Variants in NCKAP5 observed in about 807,000 individuals in gnomAD.
NCKAP5 encodes NCK associated protein 5.
A neutral mutation model predicts 167.0 loss-of-function variants in NCKAP5; 92 were observed. That is an observed-to-expected ratio of 0.55 (90% confidence interval 0.47 to 0.66). The LOEUF (loss-of-function observed/expected upper bound fraction) is 0.66, where lower values mean the gene tolerates loss of function less well. Among genes scored for constraint, NCKAP5 ranks in the 30% least tolerant of loss-of-function variants. The probability of loss-of-function intolerance (pLI) is 0.00; values close to 1 mark genes in which losing one functional copy is unlikely to be tolerated. For missense variants in NCKAP5, 2,378 were observed against 2,315.0 expected (o/e 1.03, Z -0.56); for synonymous variants, 891 against 877.4 (o/e 1.02, Z -0.27).
intron 7 of NCKAP5, among the ~76,000 whole-genome samples, chr2:132,980,085 G>A (rs1345616186): frequency 6.6e-6 from 1 of 151,302 alleles, no homozygotes; most frequent in Admixed American, 6.6e-5. Context: ...GACCTCCCAG[G>A]CTCAGGTGAT....
intron 3 of NCKAP5, among the ~76,000 whole-genome samples, chr2:133,472,944 T>C (rs934123279): frequency 6.6e-6 from 1 of 152,232 alleles, no homozygotes; most frequent in Non-Finnish European, 1.5e-5. Context: ...CAGGCCTTTA[T>C]CATCTTGATA....
At chr2:133,072,080 G>GTT (rs2080429079) in intron 6 of NCKAP5, among the ~76,000 whole-genome samples, 7 of 108,656 alleles carry the variant, frequency 6.4e-5, no homozygotes, top group African/African-American at 4.2e-4. Context: ...ATTTATCCAG[G>GTT]CTTTTTTTTT....
At chr2:133,607,535 T>G in the NCKAP5 span, among the ~76,000 whole-genome samples, 212 of 152,244 alleles carry the variant, frequency 1.4e-3, 2 homozygotes, top group Non-Finnish European at 2.4e-4. Context: ...GGATTAAGAT[T>G]TGGAAGTGGT....
intron 3 of NCKAP5, among the ~76,000 whole-genome samples, chr2:133,400,377 T>C (rs903384250): frequency 1.3e-5 from 2 of 152,156 alleles, no homozygotes; most frequent in South Asian, 2.1e-4. Flanking sequence ...GAGGATGTAA[T>C]TGTGTTAAGG....
intron 6 of NCKAP5, among the ~76,000 whole-genome samples, chr2:133,107,314 G>C (rs1259944723): frequency 6.6e-6 from 1 of 152,180 alleles, no homozygotes; most frequent in African/African-American, 2.4e-5. Context: ...TCGAGTCATG[G>C]TCTCTGCACT....
intron 3 of NCKAP5, among the ~76,000 whole-genome samples, chr2:133,414,873 C>T (rs1171637600): frequency 1.3e-5 from 2 of 152,182 alleles, no homozygotes; most frequent in Non-Finnish European, 2.9e-5. Flanking sequence ...GTTAACTTAT[C>T]AGGAGAGTTA....
chr2:132,777,644 C>A (rs944207766), intron 15 of NCKAP5, among the ~76,000 whole-genome samples: 2 of 152,034 alleles, frequency 1.3e-5, no homozygotes, highest in Non-Finnish European at 2.9e-5. Context: ...ACTTTGCAGG[C>A]GGAGGGCAAA....
intron 8 of NCKAP5, among the ~76,000 whole-genome samples, chr2:132,948,209 T>A (rs1697906291): frequency 6.6e-6 from 1 of 152,190 alleles, no homozygotes; most frequent in Admixed American, 6.5e-5. Flanking sequence ...GTACTCTTCC[T>A]GGTGCAGTGG....
At chr2:133,209,365 C>A (rs1468551401) in intron 5 of NCKAP5, among the ~76,000 whole-genome samples, 4 of 148,456 alleles carry the variant, frequency 2.7e-5, no homozygotes, top group African/African-American at 2.5e-5. Context: ...ACAAAGAAAA[C>A]AAATATAAAA....
intron 7 of NCKAP5, among the ~76,000 whole-genome samples, chr2:132,975,488 A>G (rs2076952883): frequency 6.6e-6 from 1 of 152,182 alleles, no homozygotes; most frequent in Non-Finnish European, 1.5e-5. Context: ...TGCTCCATCT[A>G]TCGGCAACAC....
chr2:133,258,739 C>G (rs2088754125), intron 4 of NCKAP5, among the ~76,000 whole-genome samples: 1 of 149,284 alleles, frequency 6.7e-6, no homozygotes, highest in South Asian at 2.1e-4. Context: ...GAGCAAGATC[C>G]TGTCTCAATT....
intron 5 of NCKAP5, among the ~76,000 whole-genome samples, chr2:133,146,264 T>C (rs1021457336): frequency 6.6e-6 from 1 of 151,340 alleles, no homozygotes; most frequent in Non-Finnish European, 1.5e-5. Flanking sequence ...AAGCAACATC[T>C]AGATAAAATG....
chr2:133,420,935 T>TTA (rs1319292201), intron 3 of NCKAP5, among the ~76,000 whole-genome samples: 2 of 152,186 alleles, frequency 1.3e-5, no homozygotes, highest in African/African-American at 4.8e-5. Context: ...AAGGAACTAA[T>TTA]AGAGACTTGC....
At chr2:133,273,894 TA>T (rs149933236) in intron 4 of NCKAP5, among the ~76,000 whole-genome samples, 19,418 of 136,312 alleles carry the variant, frequency 0.14, 1,282 homozygotes, top group Admixed American at 0.16. Context: ...ATTCAGGGTT[TA>T]AAAAAAAATA....
chr2:132,709,900 A>T (rs1688692076), intron 19 of NCKAP5, among the ~76,000 whole-genome samples: 2 of 152,178 alleles, frequency 1.3e-5, no homozygotes, highest in African/African-American at 4.8e-5. Flanking sequence ...AATGTCGCTG[A>T]CACATTTCAA....
intron 2 of NCKAP5, among the ~76,000 whole-genome samples, chr2:133,533,798 T>C (rs13406195): frequency 0.018 from 2,698 of 152,300 alleles, 88 homozygotes; most frequent in African/African-American, 0.061. Context: ...GATATTCATA[T>C]ATGACATTGC....
In NCKAP5 at chr2:132,725,666, T is replaced by C; in HGVS notation, c.5674A>G (p.Arg1892Gly). 1 of 1,612,632 alleles carries C rather than the reference T, an allele frequency of 6.2e-7. No homozygotes were observed. Among genetic ancestry groups the C allele is most frequent in the Non-Finnish European group, 8.5e-7 (1 of 1,179,402 alleles). Residue 1892 changes from arginine to glycine, a missense_variant, in exon 19 of 20, where the codon AGG becomes GGG. Physicochemically the swap from Arg to Gly is moderately radical, Grantham distance 125. Around this residue, in one of 3 missense-constraint regions of NCKAP5, gnomAD observed 1,325 missense variants for 1,274.5 expected, o/e 1.04. Transcript: ENST00000409261. ...DYGDNGFGAGRGQLVKALKSA... is the reference protein window; with the variant it reads ...DYGDNGFGAGGGQLVKALKSA... ...TTCAGTGCTTTCACTAACTGTCCCC[T>C]TCCAGCTCCAAAACCATTATCTCCA...
intron 8 of NCKAP5, among the ~76,000 whole-genome samples, chr2:132,910,347 C>G (rs1694349224): frequency 6.6e-6 from 1 of 151,892 alleles, no homozygotes; most frequent in South Asian, 2.1e-4. Context: ...CATATAGTAG[C>G]TCTTACACAT....
chr2:132,952,569 CA>C (rs1306257745), intron 8 of NCKAP5, among the ~76,000 whole-genome samples: 2 of 152,030 alleles, frequency 1.3e-5, no homozygotes, highest in African/African-American at 4.8e-5. Context: ...GTTGGAAGGC[CA>C]AAAGGGCTGC....
Sources: gnomAD v4.1 joint callset for allele counts (sites outside exome capture counted in the v4.1 genomes callset) on GRCh38, gnomAD v4.1.1 for gene constraint, gnomAD v4.1.1 regional missense constraint, MANE v1.5 for transcripts, NCBI Gene and HGNC (gene_info 2026-07-23, HGNC 2026-07-21) for gene names.